Variants in CBX5 observed in about 807,000 individuals in gnomAD.
CBX5 encodes chromobox 5, also known as chromobox protein homolog 5.
In CBX5, 7 loss-of-function variants were observed where a neutral mutation model predicts 20.7. The ratio of observed to expected loss-of-function variants is 0.34; its 90% confidence interval spans 0.19 to 0.63. The LOEUF (loss-of-function observed/expected upper bound fraction) is 0.63, where lower values mean the gene tolerates loss of function less well. Among genes scored for constraint, CBX5 ranks in the 30% least tolerant of loss-of-function variants. The probability of loss-of-function intolerance (pLI) is 0.75; values close to 1 mark genes in which losing one functional copy is unlikely to be tolerated. For missense variants in CBX5, 110 were observed against 224.1 expected, an observed-to-expected ratio of 0.49 and a Z score of 3.25; for synonymous variants, 78 against 77.0, an observed-to-expected ratio of 1.01 and a Z score of -0.07.
At chr12:54,245,974 A>C (rs969959254) in intron 4 of CBX5, 141 bp downstream of exon 4, 5 of 650,056 alleles carry the variant, frequency 7.7e-6, no homozygotes, top group Non-Finnish European at 1.4e-5. Flanking sequence ...AAAGGGCGAA[A>C]CACTGTCTCA....
rs762079602 is a variant in CBX5, at chr12:54,231,325, A to G, written c.*10430T>C. Reference sequence around the variant, plus strand: ...CCAGCTCTTGAGTCTCTTAGATCCCATCCTGTAGGAAGTGGTGGGAAAGCC... The same window carrying G: ...CCAGCTCTTGAGTCTCTTAGATCCCGTCCTGTAGGAAGTGGTGGGAAAGCC... On this transcript the variant is annotated 3_prime_UTR_variant, in exon 5 of 5. Transcript: ENST00000209875. 6 of 154,602 alleles carry G rather than the reference A, an allele frequency of 3.9e-5. No homozygotes were observed. Among genetic ancestry groups the G allele is most frequent in the Non-Finnish European group, 7.3e-5 (5 of 68,060 alleles). 9.6% of individuals were successfully genotyped at this position (154,602 alleles called of 1,614,324 possible).
At chr12:54,273,458 C>G (rs1592165140) in intron 1 of CBX5, 1 of 152,076 alleles carries the variant, frequency 6.6e-6, no homozygotes, top group East Asian at 1.9e-4. Context: ...AAACATGAAT[C>G]TACATTTTTT....
At chr12:54,267,893 C>T (rs1943971581) in intron 1 of CBX5, among the ~76,000 whole-genome samples, 1 of 152,168 alleles carries the variant, frequency 6.6e-6, no homozygotes, top group African/African-American at 2.4e-5. Context: ...CCTATAATCC[C>T]AGCATTTTGG....
rs1346320365 is a variant in CBX5, at chr12:54,233,824, G to C, written c.*7931C>G. On this transcript the variant is annotated 3_prime_UTR_variant, in exon 5 of 5. Coordinates refer to ENST00000209875, the MANE Select transcript of CBX5 (RefSeq NM_012117.3). ...ACCGTGGTGTGCGCCTGTAGTCCCA[G>C]CTGCTTGGGAGGCTGAGGCAGGAGG... is the stretch of plus-strand genomic sequence containing the variant. 1 of 152,144 alleles carries C rather than the reference G, an allele frequency of 6.6e-6. No homozygotes were observed. The highest frequency in any genetic ancestry group is 1.5e-5 in the Non-Finnish European group (1 of 68,090). The allele number at this position is 152,144 out of a possible 1,614,324, so 9.4% of individuals were successfully genotyped here.
intron 1 of CBX5, among the ~76,000 whole-genome samples, chr12:54,263,718 G>A (rs1156398715): frequency 3.7e-5 from 5 of 136,682 alleles, no homozygotes; most frequent in Admixed American, 7.9e-5. Flanking sequence ...AGCTGAGATC[G>A]CGCCACTGCA....
At chr12:54,244,117 T>G (rs1022132417) in intron 4 of CBX5, among the ~76,000 whole-genome samples, 20 of 150,996 alleles carry the variant, frequency 1.3e-4, no homozygotes, top group African/African-American at 4.4e-4. Flanking sequence ...TTCTCCTGCC[T>G]CAGCCTCCCA....
intron 3 of CBX5, among the ~76,000 whole-genome samples, chr12:54,246,885 T>C (rs1214587672): frequency 6.6e-6 from 1 of 152,068 alleles, no homozygotes. Context: ...CTTAATATTG[T>C]AAATAAGCTT....
rs553799153 is a variant in CBX5 at position 54,239,138 on chromosome 12, T to G, written c.*2617A>C. 1.3e-5 allele frequency: 2 copies of G among 152,224 alleles called. No homozygotes were observed. The highest frequency in any genetic ancestry group is 2.9e-5 in the Non-Finnish European group (2 of 68,056). The allele number at this position is 152,224 out of a possible 1,614,324, so 9.4% of individuals were successfully genotyped here. A position where few individuals can be genotyped will look rare whatever the true frequency, so the allele number is the denominator to read the frequency against. On this transcript the variant is annotated 3_prime_UTR_variant, in exon 5 of 5. Coordinates refer to ENST00000209875, the MANE Select transcript of CBX5 (RefSeq NM_012117.3). ...AGGCAGGAAGAGAACAAAAGTTGTT[T>G]TGGCGGCACTCAGTACAATAAACCG... is the stretch of plus-strand genomic sequence containing the variant.
chr12:54,252,885 T>G (rs1252794842), intron 2 of CBX5, among the ~76,000 whole-genome samples: 1 of 147,432 alleles, frequency 6.8e-6, no homozygotes, highest in African/African-American at 2.5e-5. Context: ...CTCGGGAGGC[T>G]GAGGCAGGAG....
At chr12:54,273,469 T>C (rs1027409981) in intron 1 of CBX5, 20 of 152,258 alleles carry the variant, frequency 1.3e-4, no homozygotes, top group African/African-American at 4.8e-4. Context: ...TACATTTTTT[T>C]TTCAGGGACC....
Position 54,241,383 on chromosome 12 carries a change from A to T in CBX5, c.*372T>A, listed in dbSNP as rs929474979. Reference sequence around the variant, plus strand: ...AAGCAAGAAACCAAAATTCAACATCATTGTAACAAAATCCCCCAACCTAAA... The same window carrying T: ...AAGCAAGAAACCAAAATTCAACATCTTTGTAACAAAATCCCCCAACCTAAA... On this transcript the variant is annotated 3_prime_UTR_variant, in exon 5 of 5. Coordinates refer to ENST00000209875, the MANE Select transcript of CBX5 (RefSeq NM_012117.3). 1.2e-5 allele frequency: 2 copies of T among 162,732 alleles called. No homozygotes were observed. Among genetic ancestry groups the T allele is most frequent in the African/African-American group, 4.8e-5 (2 of 41,910 alleles). 10.1% of individuals were successfully genotyped at this position (162,732 alleles called of 1,614,324 possible).
intron 4 of CBX5, 126 bp from the exon 5 acceptor site, chr12:54,242,031 A>G (rs1592153424): frequency 2.5e-6 from 2 of 797,758 alleles, no homozygotes; most frequent in East Asian, 2.7e-5. Context: ...TCAAGGTGAA[A>G]AGGACCCTTT....
In CBX5 at chr12:54,244,246, C is replaced by T. The variant is rs1458159202; in HGVS notation, c.425+1869G>A. Reference sequence around the variant, plus strand: ...GTCTTGATCTCCTGACCTTGTGATCCGCCCGTCTCGGCGTCTCGGCCTCCC... The same window carrying T: ...GTCTTGATCTCCTGACCTTGTGATCTGCCCGTCTCGGCGTCTCGGCCTCCC... On this transcript the variant is annotated intron_variant, in intron 4 of 4. Transcript: ENST00000209875. 4.0e-5 allele frequency among the ~76,000 whole-genome samples: 6 copies of T among 150,948 alleles called. No homozygotes were observed. In the East Asian group the frequency reaches 8.1e-4, roughly 20 times the overall value.
At chr12:54,251,480 C>CT (rs1943801639) in intron 3 of CBX5, among the ~76,000 whole-genome samples, 1 of 143,188 alleles carries the variant, frequency 7.0e-6, no homozygotes, top group East Asian at 2.1e-4. Context: ...GATAGTGCCA[C>CT]TGCACTCCAG....
rs536259490 is a variant in CBX5, at chr12:54,231,617, G to C, written c.*10138C>G. 1 of 152,786 alleles carries C rather than the reference G, an allele frequency of 6.5e-6. No homozygotes were observed. The highest frequency in any genetic ancestry group is 1.9e-4 in the East Asian group (1 of 5,194). 9.5% of individuals were successfully genotyped at this position (152,786 alleles called of 1,614,324 possible). On this transcript the variant is annotated 3_prime_UTR_variant, in exon 5 of 5. Transcript: ENST00000209875. ...GGAGCTGGCTGCGCCCCTAAACTGAGATGGAAAGAGTAAGGCTCTTGAGCC... is the reference window on the plus strand; with the variant it reads ...GGAGCTGGCTGCGCCCCTAAACTGACATGGAAAGAGTAAGGCTCTTGAGCC...
intron 1 of CBX5, among the ~76,000 whole-genome samples, chr12:54,263,779 A>AG (rs1287792610): frequency 1.6e-4 from 24 of 149,270 alleles, no homozygotes; most frequent in African/African-American, 5.2e-4. Context: ...AAAAAAAAAA[A>AG]AAAAGAAAAG....
rs1227882926 is a variant in CBX5 at position 54,233,823 on chromosome 12, A to G, written c.*7932T>C. The G allele has an allele frequency of 6.6e-6, 1 of 152,152 alleles. No homozygotes were observed. Among genetic ancestry groups the G allele is most frequent in the Non-Finnish European group, 1.5e-5 (1 of 68,092 alleles). 9.4% of individuals were successfully genotyped at this position (152,152 alleles called of 1,614,324 possible). A position where few individuals can be genotyped will look rare whatever the true frequency, so the allele number is the denominator to read the frequency against. On this transcript the variant is annotated 3_prime_UTR_variant, in exon 5 of 5. Coordinates refer to ENST00000209875, the MANE Select transcript of CBX5 (RefSeq NM_012117.3). ...CACCGTGGTGTGCGCCTGTAGTCCC[A>G]GCTGCTTGGGAGGCTGAGGCAGGAG...
In CBX5 at chr12:54,239,514, T is replaced by A. The variant is rs1197308089; in HGVS notation, c.*2241A>T. The A allele has an allele frequency of 6.6e-6, 1 of 152,240 alleles. No individual in the cohort carries two copies. The highest frequency in any genetic ancestry group is 1.5e-5 in the Non-Finnish European group (1 of 68,038). 9.4% of individuals were successfully genotyped at this position (152,240 alleles called of 1,614,324 possible). On this transcript the variant is annotated 3_prime_UTR_variant, in exon 5 of 5. Coordinates refer to ENST00000209875, the MANE Select transcript of CBX5 (RefSeq NM_012117.3). ...GGCCTATTTTTGTCCTATTCTTGTC[T>A]ACCCTAATTGATATCCTTGGCTACA...
Position 54,236,206 on chromosome 12 carries a change from T to C in CBX5, c.*5549A>G, listed in dbSNP as rs1362451213. The C allele has an allele frequency of 6.6e-6, 1 of 152,234 alleles. No homozygotes were observed. Among genetic ancestry groups the C allele is most frequent in the Non-Finnish European group, 1.5e-5 (1 of 68,048 alleles). 9.4% of individuals were successfully genotyped at this position (152,234 alleles called of 1,614,324 possible). ...TCTGCCCCCAAGTCAGAAATGTGTA[T>C]TGGTTTATAGCATTTATTATACCAA... is the stretch of plus-strand genomic sequence containing the variant. On this transcript the variant is annotated 3_prime_UTR_variant, in exon 5 of 5. Coordinates refer to ENST00000209875, the MANE Select transcript of CBX5 (RefSeq NM_012117.3).
Sources: gnomAD v4.1 joint callset for allele counts (sites outside exome capture counted in the v4.1 genomes callset) on GRCh38, gnomAD v4.1.1 for gene constraint, MANE v1.5 for transcripts, NCBI Gene and HGNC (gene_info 2026-07-23, HGNC 2026-07-21) for gene names.